The following SPPL3 variants were observed in gnomAD, a reference collection of about 807,000 sequenced individuals.
SPPL3 encodes signal peptide peptidase-like 3.
In SPPL3, 5 loss-of-function variants were observed where a neutral mutation model predicts 42.4. The ratio of observed to expected loss-of-function variants is 0.12; its 90% CI spans 0.06 to 0.25. The LOEUF (loss-of-function observed/expected upper bound fraction) is 0.25, where lower values mean the gene tolerates loss of function less well. Among genes scored for constraint, SPPL3 ranks in the 10% least tolerant of loss-of-function variants. SPPL3 has a pLI of 1.00. For missense variants in SPPL3, 235 were observed against 489.0 expected (o/e 0.48, Z 4.90); for synonymous variants, 195 against 181.8 (o/e 1.07, Z -0.58).
intron 1 of SPPL3, among the ~76,000 whole-genome samples, chr12:120,860,762 G>A (rs1414527635): frequency 6.6e-6 from 1 of 152,258 alleles, no homozygotes; most frequent in East Asian, 1.9e-4. Flanking sequence ...AGAAGTAGAA[G>A]GCGGCAAACT....
intron 1 of SPPL3, among the ~76,000 whole-genome samples, chr12:120,848,842 C>T (rs1339292193): frequency 6.6e-6 from 1 of 151,876 alleles, no homozygotes. Flanking sequence ...AAAATTTGTG[C>T]ATAAATTACT....
At chr12:120,902,437 T>C (rs1400858185) in intron 1 of SPPL3, among the ~76,000 whole-genome samples, 1 of 152,220 alleles carries the variant, frequency 6.6e-6, no homozygotes, top group Admixed American at 6.5e-5. Context: ...TTCTTAGATG[T>C]TTCTCTAGGA....
chr12:120,776,706 T>G (rs1011212032), intron 6 of SPPL3, among the ~76,000 whole-genome samples: 4 of 152,174 alleles, frequency 2.6e-5, no homozygotes, highest in African/African-American at 4.8e-5. Flanking sequence ...TCATCTTTTT[T>G]GGGTCAGCGG....
At chr12:120,903,755 T>C in intron 1 of SPPL3, 90 bp downstream of exon 1, 5 of 384,312 alleles carry the variant, frequency 1.3e-5, no homozygotes, top group South Asian at 4.6e-5. Context: ...GACACGCACC[T>C]GTTCTTCCTC....
At chr12:120,870,725 T>C (rs1872894571) in intron 1 of SPPL3, among the ~76,000 whole-genome samples, 2 of 152,186 alleles carry the variant, frequency 1.3e-5, no homozygotes, top group Non-Finnish European at 2.9e-5. Context: ...AAGTGAAGTA[T>C]GCCAGTCACA....
At chr12:120,794,899 C>G (rs1253070411) in intron 2 of SPPL3, among the ~76,000 whole-genome samples, 1 of 152,104 alleles carries the variant, frequency 6.6e-6, no homozygotes, top group South Asian at 2.1e-4. Context: ...ACTCTTTGCT[C>G]TTTAATTTTA....
At chr12:120,827,358 A>AATAAT (rs1438495849) in intron 1 of SPPL3, among the ~76,000 whole-genome samples, 1 of 147,772 alleles carries the variant, frequency 6.8e-6, no homozygotes, top group African/African-American at 2.5e-5. Flanking sequence ...ATAATAATAT[A>AATAAT]ATAATATAAT....
intron 1 of SPPL3, among the ~76,000 whole-genome samples, chr12:120,830,225 T>A (rs1350050982): frequency 8.9e-6 from 1 of 111,928 alleles, no homozygotes; most frequent in Non-Finnish European, 1.8e-5. Flanking sequence ...AAGCCAAAGA[T>A]GACTACGACC....
At chr12:120,865,284 G>A (rs1323844191) in intron 1 of SPPL3, among the ~76,000 whole-genome samples, 1 of 152,090 alleles carries the variant, frequency 6.6e-6, no homozygotes, top group African/African-American at 2.4e-5. Context: ...CGCTCATAGC[G>A]AACTGTACAC....
intron 1 of SPPL3, among the ~76,000 whole-genome samples, chr12:120,824,933 T>C (rs936475844): frequency 6.6e-6 from 1 of 152,176 alleles, no homozygotes; most frequent in African/African-American, 2.4e-5. Context: ...AAGTAGCTAC[T>C]GTAACAACAT....
At chr12:120,834,821 G>A (rs1871552931) in intron 1 of SPPL3, among the ~76,000 whole-genome samples, 11 of 152,154 alleles carry the variant, frequency 7.2e-5, no homozygotes, top group Admixed American at 7.2e-4. Flanking sequence ...TAGGTAAAAT[G>A]TGCCAAAACT....
chr12:120,800,396 A>C (rs1169395239), intron 2 of SPPL3, among the ~76,000 whole-genome samples: 2 of 152,076 alleles, frequency 1.3e-5, no homozygotes, highest in African/African-American at 4.8e-5. Flanking sequence ...CCAGCTACTC[A>C]GGGGGCTGAG....
chr12:120,886,973 TATA>T (rs1295356336), intron 1 of SPPL3, among the ~76,000 whole-genome samples: 1 of 145,230 alleles, frequency 6.9e-6, no homozygotes, highest in Non-Finnish European at 1.6e-5. Flanking sequence ...CCATCAGTGA[TATA>T]ATAATTTTTT....
At chr12:120,901,492 G>C (rs1163661592) in intron 1 of SPPL3, among the ~76,000 whole-genome samples, 1 of 151,002 alleles carries the variant, frequency 6.6e-6, no homozygotes, top group African/African-American at 2.4e-5. Flanking sequence ...TCGGGAGGCT[G>C]AGGCATAAGA....
Position 120,820,058 on chromosome 12 carries a change from C to T in SPPL3, c.24-9172G>A, listed in dbSNP as rs540354745. ...TCAGGAATCTCCCATGGTCCATGAG[C>T]CACATTTCGGGAATTGCTGCCTTCT... On this transcript the variant is annotated intron_variant, in intron 1 of 10. Transcript: ENST00000353487. Among the ~76,000 whole-genome samples the T allele has an allele frequency of 5.9e-5, 9 of 152,288 alleles. No individual in the cohort carries two copies. In the South Asian group the frequency reaches 1.9e-3, roughly 32 times the overall value.
chr12:120,781,555 G>GTGTT lies in SPPL3; in HGVS notation c.502+1099_502+1100insAACA, dbSNP rs1869541007. On this transcript the variant is annotated intron_variant, in intron 6 of 10. Transcript: ENST00000353487. The stretch of plus-strand genomic sequence containing the variant: ...TCTAATCCCATCTCCTTATTGTTAC[G>GTGTT]TTTTTTTTTTTTTTTTTTTTTTTTT... Among the ~76,000 whole-genome samples the GTGTT allele has an allele frequency of 3.4e-3, 217 of 63,012 alleles. 35 individuals are homozygous for GTGTT. Among genetic ancestry groups the GTGTT allele is most frequent in the African/African-American group, 9.2e-3 (134 of 14,642 alleles). 41.3% of individuals were successfully genotyped at this position (63,012 alleles called of 152,430 possible).
intron 7 of SPPL3, 100 bp from the exon 8 acceptor site, chr12:120,768,588 T>A: frequency 6.2e-6 from 8 of 1,290,884 alleles, no homozygotes; most frequent in East Asian, 2.3e-5. Flanking sequence ...CAGAATGCTG[T>A]GACTGCAATG....
chr12:120,780,755 A>C (rs1380138571), intron 6 of SPPL3, among the ~76,000 whole-genome samples: 11 of 151,332 alleles, frequency 7.3e-5, no homozygotes, highest in African/African-American at 1.5e-4. Flanking sequence ...AAAAAAAACA[A>C]AACAAAAATT....
chr12:120,866,601 A>T (rs936448051), intron 1 of SPPL3, among the ~76,000 whole-genome samples: 6 of 152,266 alleles, frequency 3.9e-5, no homozygotes, highest in Non-Finnish European at 5.9e-5. Flanking sequence ...AAACGGAGAA[A>T]TAATGTATTT....
Sources: gnomAD v4.1 joint callset for allele counts (sites outside exome capture counted in the v4.1 genomes callset) on GRCh38, gnomAD v4.1.1 for gene constraint, MANE v1.5 for transcripts, NCBI Gene and HGNC (gene_info 2026-07-23, HGNC 2026-07-21) for gene names.